The following ARHGEF18 variants were observed in gnomAD, a reference collection of about 807,000 sequenced individuals.
ARHGEF18 encodes the protein Rho/Rac guanine nucleotide exchange factor 18.
Under a neutral mutation model 155.7 loss-of-function variants are expected in ARHGEF18, and 93 were observed. The ratio of observed to expected loss-of-function variants is 0.60; its 90% CI spans 0.50 to 0.71. ARHGEF18 has a LOEUF of 0.71. ARHGEF18 is among the 30% of genes least tolerant of loss of function. The pLI is 0.00. For missense variants in ARHGEF18, 1,593 were observed against 1,816.1 expected (o/e 0.88, Z 2.23); for synonymous variants, 742 against 753.1 (o/e 0.99, Z 0.24).
In ARHGEF18 at chr19:7,440,981, C is replaced by A. The variant is rs1974604360; in HGVS notation, c.1106+499C>A. Among the ~76,000 whole-genome samples, 1 of 151,858 alleles carries A rather than the reference C, an allele frequency of 6.6e-6. No individual in the cohort carries two copies. Among genetic ancestry groups the A allele is most frequent in the Non-Finnish European group, 1.5e-5 (1 of 68,000 alleles). Reference sequence around the variant, plus strand: ...TCATTTTCCTCTGAGTAAGGACTGCCCTCCCACCTTGACCATGAAACCATT... The same window carrying A: ...TCATTTTCCTCTGAGTAAGGACTGCACTCCCACCTTGACCATGAAACCATT... On this transcript the variant is annotated intron_variant, in intron 11 of 28. Coordinates refer to ENST00000668164, the MANE Select transcript of ARHGEF18 (RefSeq NM_001367823.1). The surrounding 1 kb of genome is among the most constrained non-coding windows in gnomAD (Gnocchi z 5.4).
In ARHGEF18 at chr19:7,471,904, C is replaced by G. The variant is rs984146920; in HGVS notation, c.*1606C>G. On this transcript the variant is annotated 3_prime_UTR_variant, in exon 29 of 29. Transcript: ENST00000668164. This position sits in a 1 kb window ranked among gnomAD's most constrained non-coding sequence, Gnocchi z 4.4. ...CCGACGACCTCAACTCTGCCCAGCCCGGTCCCTGGCCATCAGCGACGCTGT... is the reference window on the plus strand; with the variant it reads ...CCGACGACCTCAACTCTGCCCAGCCGGGTCCCTGGCCATCAGCGACGCTGT... 1 of 152,548 alleles carries G rather than the reference C, an allele frequency of 6.6e-6. No individual in the cohort carries two copies. The highest frequency in any genetic ancestry group is 2.1e-4 in the South Asian group (1 of 4,830). The allele number at this position is 152,548 out of a possible 1,614,324, so 9.4% of individuals were successfully genotyped here.
At chr19:7,375,436 A>G (rs373427510) in intron 3 of ARHGEF18, among the ~76,000 whole-genome samples, 113 of 134,924 alleles carry the variant, frequency 8.4e-4, no homozygotes, top group Non-Finnish European at 1.6e-3. Context: ...AGGAAGGAAG[A>G]AAAGAAAAGA....
At chr19:7,387,291 T>C (rs1795813926) in intron 10 of ARHGEF18, among the ~76,000 whole-genome samples, 2 of 152,044 alleles carry the variant, frequency 1.3e-5, no homozygotes, top group Admixed American at 1.3e-4. Flanking sequence ...TAGCTGGGAC[T>C]ACAGGTGCCC....
intron 1 of ARHGEF18, among the ~76,000 whole-genome samples, chr19:7,351,641 A>T (rs1418427284): frequency 6.6e-6 from 1 of 150,610 alleles, no homozygotes. Context: ...CTTCTTAAGG[A>T]TCCCATCCAG....
In ARHGEF18 at chr19:7,440,751, G is replaced by A. The variant is rs538977209; in HGVS notation, c.1106+269G>A. ...TCCTTGGACTCGCTCCTTAGGCCGG[G>A]CTCCTGACTTACTCAAGGCGATGCT... On this transcript the variant is annotated intron_variant, in intron 11 of 28. Coordinates refer to ENST00000668164, the MANE Select transcript of ARHGEF18 (RefSeq NM_001367823.1). This position sits in a 1 kb window ranked among gnomAD's most constrained non-coding sequence, Gnocchi z 5.4. Among the ~76,000 whole-genome samples the A allele has an allele frequency of 1.5e-3, 221 of 152,234 alleles. 1 individual carries two copies. Among genetic ancestry groups the A allele is most frequent in the African/African-American group, 4.9e-3 (204 of 41,536 alleles).
At chr19:7,474,965 G>A (rs112247077), downstream of ARHGEF18, among the ~76,000 whole-genome samples, 1,444 of 152,144 alleles carry the variant, frequency 9.5e-3, 17 homozygotes, top group African/African-American at 0.033. Flanking sequence ...TGGGCACGGT[G>A]GCCCACGCCT....
intron 5 of ARHGEF18, among the ~76,000 whole-genome samples, chr19:7,377,163 C>T (rs1455274083): frequency 2.6e-5 from 4 of 152,220 alleles, no homozygotes; most frequent in East Asian, 3.9e-4. Context: ...CTCCGCCTCC[C>T]GGGTTCATGC....
chr19:7,392,773 G>A (rs1971477021), intron 10 of ARHGEF18: 1 of 150,860 alleles, frequency 6.6e-6, no homozygotes. Flanking sequence ...AGGTTCAAAG[G>A]CCGGGCATGA....
At chr19:7,436,090 G>T (rs1421076391) in intron 10 of ARHGEF18, among the ~76,000 whole-genome samples, 4 of 152,000 alleles carry the variant, frequency 2.6e-5, no homozygotes, top group Non-Finnish European at 5.9e-5. Context: ...ACCCCAACAT[G>T]TGAAAACTTC....
chr19:7,468,735 C>G, intron 26 of ARHGEF18, 90 bp from the exon 27 acceptor site: 1 of 1,360,990 alleles, frequency 7.3e-7, no homozygotes, highest in Non-Finnish European at 9.9e-7. Context: ...CAGGAGAGGT[C>G]GAGGGTCTCC....
chr19:7,451,609 C>T (rs1027804520), intron 16 of ARHGEF18, among the ~76,000 whole-genome samples: 1 of 151,692 alleles, frequency 6.6e-6, no homozygotes, highest in African/African-American at 2.4e-5. Context: ...GAGATGGGGT[C>T]TCGCTGTGTT....
At chr19:7,478,665 C>T in the ARHGEF18 span, among the ~76,000 whole-genome samples, 1 of 152,234 alleles carries the variant, frequency 6.6e-6, no homozygotes. Context: ...AAAGGAACAT[C>T]AAGCCCCGTG....
chr19:7,362,043 G>GAAA, intron 1 of ARHGEF18, among the ~76,000 whole-genome samples: 1 of 39,642 alleles, frequency 2.5e-5, no homozygotes, highest in East Asian at 8.8e-4. Context: ...AGGAGAAGGA[G>GAAA]AAGGAGAAGG....
At chr19:7,442,085 G>T in intron 13 of ARHGEF18, 33 bp downstream of exon 13, 2 of 1,611,236 alleles carry the variant, frequency 1.2e-6, no homozygotes, top group South Asian at 2.2e-5. Flanking sequence ...CCATCACACC[G>T]GCCCTCCACT....
Position 7,462,374 on chromosome 19 carries a change from G to A in ARHGEF18, c.2635+40G>A, listed in dbSNP as rs771685604. ...CACACCTCAAGGGTGCAGTCTTGCC[G>A]GGGTGGGCTCCTCAGGGAACCCCAG... On this transcript the variant is annotated intron_variant, in intron 21 of 28. Coordinates refer to ENST00000668164, the MANE Select transcript of ARHGEF18 (RefSeq NM_001367823.1). This position sits in a 1 kb window ranked among gnomAD's most constrained non-coding sequence, Gnocchi z 4.4. 9 of 1,529,438 alleles carry A rather than the reference G, an allele frequency of 5.9e-6. No individual in the cohort carries two copies. The highest frequency in any genetic ancestry group is 4.6e-5 in the East Asian group (2 of 43,508). The allele number at this position is 1,529,438 out of a possible 1,614,324, so 94.7% of individuals were successfully genotyped here.
chr19:7,446,851 G>A (rs1431194352), intron 14 of ARHGEF18, among the ~76,000 whole-genome samples, 192 bp from the exon 15 acceptor site: 2 of 148,180 alleles, frequency 1.3e-5, no homozygotes, highest in Non-Finnish European at 3.0e-5. Flanking sequence ...AGCCAAGATC[G>A]CGCCATTGCT....
At chr19:7,392,851 C>T (rs1006538926) in intron 10 of ARHGEF18, 2 of 151,614 alleles carry the variant, frequency 1.3e-5, no homozygotes, top group South Asian at 2.1e-4. Context: ...CTCAGGAGTT[C>T]GAGACCAATC....
chr19:7,403,261 A>G (rs541753197), intron 10 of ARHGEF18, among the ~76,000 whole-genome samples: 7 of 152,174 alleles, frequency 4.6e-5, no homozygotes, highest in African/African-American at 9.6e-5. Context: ...GATTTTTACT[A>G]TGTTCACAGA....
In ARHGEF18 at chr19:7,440,347, C is replaced by T. The variant is rs766032135; in HGVS notation, c.971C>T (p.Ser324Leu). ...TCTGTCCTTGCCTCTGTCACAGCCT[C>T]GCTCAAGGAGCACCCCCGGGGCACC... The part of the protein sequence containing the change: ...LCGKPFLSSA[S>L]LKEHPRGTLL... The change falls in exon 11 of 29, where the codon TCG becomes TTG. Residue 324 changes from serine (S) to leucine (L), a missense_variant. Transcript: ENST00000668164. The surrounding 1 kb of genome is among the most constrained non-coding windows in gnomAD (Gnocchi z 5.4). 3 of 1,612,856 alleles carry T rather than the reference C, an allele frequency of 1.9e-6. No homozygotes were observed. Among genetic ancestry groups the T allele is most frequent in the Non-Finnish European group, 1.7e-6 (2 of 1,179,734 alleles).
Sources: gnomAD v4.1 joint callset for allele counts (sites outside exome capture counted in the v4.1 genomes callset) on GRCh38, gnomAD v4.1.1 for gene constraint, Gnocchi (gnomAD v3.1) non-coding constraint, MANE v1.5 for transcripts, NCBI Gene and HGNC (gene_info 2026-07-23, HGNC 2026-07-21) for gene names.